MICU1: variants seen among roughly 807,000 people sequenced by gnomAD.
The protein encoded by MICU1 is mitochondrial calcium uptake 1, also known as calcium uptake protein 1, mitochondrial.
In MICU1, 45 loss-of-function variants were observed where a neutral mutation model predicts 56.8. The ratio of observed to expected loss-of-function variants is 0.79; its 90% CI spans 0.62 to 1.02. MICU1 has a LOEUF of 1.02. Ranked by LOEUF, MICU1 falls within the 50% of genes least tolerant of loss-of-function variation. The pLI is 0.00. For missense variants in MICU1, 504 were observed against 587.1 expected (o/e 0.86, Z 1.46); for synonymous variants, 186 against 195.1 (o/e 0.95, Z 0.39).
chr10:72,542,970 G>A (rs1209333369), intron 4 of MICU1, among the ~76,000 whole-genome samples: 4 of 152,234 alleles, frequency 2.6e-5, no homozygotes, highest in Non-Finnish European at 5.9e-5. Context: ...TCACCAAAAA[G>A]TCAAGCCATC....
rs145214933 is a variant in MICU1, at chr10:72,598,694, T to C, written c.-2+27316A>G. On this transcript the variant is annotated intron_variant, in intron 1 of 11. Transcript: ENST00000361114. ...CAAGAGGAAATCCTGACAATGGTTATGTGAAAAGGTCCGGATTATTTTTAC... is the reference window on the plus strand; with the variant it reads ...CAAGAGGAAATCCTGACAATGGTTACGTGAAAAGGTCCGGATTATTTTTAC... 3.3e-5 allele frequency among the ~76,000 whole-genome samples: 5 copies of C among 152,274 alleles called. No homozygotes were observed. The East Asian group carries it at 9.6e-4, about 29-fold the overall frequency.
intron 10 of MICU1, among the ~76,000 whole-genome samples, chr10:72,397,306 C>T (rs752779243): frequency 1.2e-4 from 19 of 152,086 alleles, no homozygotes; most frequent in Non-Finnish European, 2.9e-5. Flanking sequence ...AAGAAACAAC[C>T]GATACCAGCC....
intron 10 of MICU1, 50 bp from the exon 11 acceptor site, chr10:72,375,922 C>T (rs1474689962): frequency 1.3e-6 from 2 of 1,484,826 alleles, no homozygotes; most frequent in East Asian, 2.4e-5. Flanking sequence ...TTTCATTTTG[C>T]TTTCTCTGAT....
intron 8 of MICU1, among the ~76,000 whole-genome samples, chr10:72,433,555 G>A (rs1416206848): frequency 2.0e-5 from 3 of 151,854 alleles, no homozygotes; most frequent in Admixed American, 1.3e-4. Flanking sequence ...AGCCTCCAGA[G>A]TAGCTGGGAC....
chr10:72,375,811 A>G lies in MICU1; in HGVS notation c.1242T>C (p.Asp414=). 6.2e-7 allele frequency: 1 copy of G among 1,613,390 alleles called. No homozygotes were observed. Among genetic ancestry groups the G allele is most frequent in the South Asian group, 1.1e-5 (1 of 90,794 alleles). The part of the protein sequence containing the change: ...AKVELSDHVC[D]VVFALFDCDG... ...CACAGTCAAAGAGTGCAAACACCAC[A>G]TCACACACGTGGTCTGAGAGCTCCA... The change falls in exon 11 of 12, where the codon GAT becomes GAC. Residue 414 remains aspartate, a synonymous_variant. Transcript: ENST00000361114.
intron 6 of MICU1, among the ~76,000 whole-genome samples, chr10:72,489,299 C>G (rs1317926607): frequency 7.1e-6 from 1 of 139,996 alleles, no homozygotes; most frequent in Non-Finnish European, 1.5e-5. Flanking sequence ...GTCACACACA[C>G]ACACACACAC....
chr10:72,529,793 C>T (rs1839422014), intron 5 of MICU1, among the ~76,000 whole-genome samples: 1 of 151,668 alleles, frequency 6.6e-6, no homozygotes, highest in South Asian at 2.1e-4. Context: ...GAAATAATTG[C>T]TTTGTTTTAT....
In MICU1 at chr10:72,368,303, C is replaced by T. The variant is rs557117620; in HGVS notation, c.1323G>A (p.Leu441=). The change falls in exon 12 of 12, where the codon CTG becomes CTA. Residue 441 remains leucine, a synonymous_variant. Coordinates refer to ENST00000361114, the MANE Select transcript of MICU1 (RefSeq NM_001195518.2). Reference sequence around the variant, plus strand: ...CTTTGGGCTTTTCCAGGCCTCTCATCAGCCGTTGCTTCATGATGGAAACAA... The same window carrying T: ...CTTTGGGCTTTTCCAGGCCTCTCATTAGCCGTTGCTTCATGATGGAAACAA... ...KEFVSIMKQR[L]MRGLEKPKDM... 3.3e-5 allele frequency: 53 copies of T among 1,614,006 alleles called. 1 individual carries two copies. The East Asian group carries it at 1.2e-3, about 35-fold the overall frequency.
intron 8 of MICU1, among the ~76,000 whole-genome samples, chr10:72,460,406 A>G (rs967772440): frequency 6.6e-6 from 1 of 152,156 alleles, no homozygotes; most frequent in Non-Finnish European, 1.5e-5. Flanking sequence ...TTCATTAGTC[A>G]TGTAGCTTTA....
chr10:72,517,061 A>C (rs1867669948), intron 5 of MICU1, among the ~76,000 whole-genome samples: 1 of 152,238 alleles, frequency 6.6e-6, no homozygotes. Context: ...GTAATTACAG[A>C]CACAAAAATT....
intron 1 of MICU1, among the ~76,000 whole-genome samples, chr10:72,568,224 T>C (rs1191378099): frequency 2.0e-5 from 3 of 152,298 alleles, no homozygotes; most frequent in Admixed American, 6.5e-5. Context: ...TAAAAAAAAA[T>C]TCTTTTAATG....
At chr10:72,620,407 A>C (rs1290892117) in intron 1 of MICU1, among the ~76,000 whole-genome samples, 1 of 152,030 alleles carries the variant, frequency 6.6e-6, no homozygotes, top group Non-Finnish European at 1.5e-5. Flanking sequence ...GCTGGTTTCG[A>C]ACTCCTGACC....
chr10:72,438,017 G>A (rs574458767), intron 8 of MICU1, among the ~76,000 whole-genome samples: 1 of 152,108 alleles, frequency 6.6e-6, no homozygotes, highest in Non-Finnish European at 1.5e-5. Context: ...AGGATATCCA[G>A]GATTTGAACT....
intron 1 of MICU1, among the ~76,000 whole-genome samples, chr10:72,592,783 CTTTT>C (rs1264231748): frequency 7.3e-6 from 1 of 137,648 alleles, no homozygotes. Context: ...ACTTTTCTTT[CTTTT>C]TTTTTTTTTT....
Position 72,517,349 on chromosome 10 carries a change from A to T in MICU1, c.538-9080T>A, listed in dbSNP as rs186832856. Among the ~76,000 whole-genome samples the T allele has an allele frequency of 1.2e-3, 184 of 152,318 alleles. 1 individual carries two copies. The highest frequency in any genetic ancestry group is 4.0e-3 in the African/African-American group (165 of 41,562). ...CATATTTATAGCAGCACAATTCACA[A>T]CTGCAAATACGTGGAACCAGCCCAA... On this transcript the variant is annotated intron_variant, in intron 5 of 11. Transcript: ENST00000361114.
intron 5 of MICU1, among the ~76,000 whole-genome samples, chr10:72,526,812 T>A (rs1176239443): frequency 2.6e-5 from 4 of 151,886 alleles, no homozygotes; most frequent in African/African-American, 9.7e-5. Flanking sequence ...GTATACGACC[T>A]CTTAAAAATT....
chr10:72,455,627 T>A (rs1426185034), intron 8 of MICU1, among the ~76,000 whole-genome samples: 1 of 152,140 alleles, frequency 6.6e-6, no homozygotes, highest in African/African-American at 2.4e-5. Flanking sequence ...CCATGATGGA[T>A]ACTAAATTTC....
At chr10:72,379,675 G>C in intron 10 of MICU1, 1 of 321,428 alleles carries the variant, frequency 3.1e-6, no homozygotes. Context: ...TTGGTATTAA[G>C]TGGTTGTAGA....
At chr10:72,562,812 G>C (rs1375716401) in intron 3 of MICU1, 83 bp downstream of exon 3, 4 of 1,190,098 alleles carry the variant, frequency 3.4e-6, no homozygotes, top group Admixed American at 7.2e-5. Context: ...TGAACCATCT[G>C]AAACATATGA....
Sources: allele counts gnomAD v4.1 joint callset (sites outside exome capture counted in the v4.1 genomes callset), GRCh38; gene constraint gnomAD v4.1.1; transcripts MANE v1.5; gene names NCBI Gene and HGNC (gene_info 2026-07-23, HGNC 2026-07-21).